Variants in PTK2B observed in about 807,000 individuals in gnomAD.
The protein encoded by PTK2B is protein tyrosine kinase 2 beta, also known as protein-tyrosine kinase 2-beta.
In PTK2B, 71 loss-of-function variants were observed where a neutral mutation model predicts 142.9. The observed-to-expected ratio is 0.50, with a 90% CI of 0.41 to 0.61. The LOEUF (loss-of-function observed/expected upper bound fraction) is 0.61. Ranked by LOEUF, PTK2B falls within the 20% of genes least tolerant of loss-of-function variation. PTK2B has a pLI of 0.00. For missense variants in PTK2B, 1,105 were observed against 1,320.4 expected, an observed-to-expected ratio of 0.84 and a Z score of 2.53; for synonymous variants, 519 against 503.4, an observed-to-expected ratio of 1.03 and a Z score of -0.42.
intron 1 of PTK2B, among the ~76,000 whole-genome samples, chr8:27,348,774 T>C (rs1804869514): frequency 6.6e-6 from 1 of 152,026 alleles, no homozygotes; most frequent in African/African-American, 2.4e-5. Flanking sequence ...TGCTTGCACT[T>C]GTTGTCAGGA....
intron 13 of PTK2B, among the ~76,000 whole-genome samples, chr8:27,434,988 G>A (rs1283089875): frequency 1.3e-5 from 2 of 151,738 alleles, no homozygotes; most frequent in East Asian, 3.9e-4. Flanking sequence ...AACCCAGCAA[G>A]ACTCCATCTC....
chr8:27,378,958 G>A lies in PTK2B; in HGVS notation c.-37-18590G>A, dbSNP rs989009788. 1.8e-4 allele frequency among the ~76,000 whole-genome samples: 27 copies of A among 152,092 alleles called. 1 individual carries two copies. The highest frequency in any genetic ancestry group is 1.5e-3 in the Admixed American group (23 of 15,270). ...AAGAGCTAAAGGAAGAAAGGGCCCC[G>A]GCACCGTTATGCCAAACATAGACTC... On this transcript the variant is annotated intron_variant, in intron 1 of 30. Transcript: ENST00000346049.
intron 2 of PTK2B, among the ~76,000 whole-genome samples, chr8:27,410,935 A>G (rs1023860021): frequency 6.6e-6 from 1 of 152,248 alleles, no homozygotes; most frequent in Non-Finnish European, 1.5e-5. Context: ...TTTGCAAGAA[A>G]GCATTCAAAG....
chr8:27,321,556 T>G (rs1803217063), upstream of PTK2B, among the ~76,000 whole-genome samples: 1 of 152,174 alleles, frequency 6.6e-6, no homozygotes, highest in Non-Finnish European at 1.5e-5. Context: ...CATCATAGAC[T>G]GGATGGCTGC....
chr8:27,342,862 T>G (rs73679169), intron 1 of PTK2B, among the ~76,000 whole-genome samples: 1 of 152,204 alleles, frequency 6.6e-6, no homozygotes, highest in African/African-American at 2.4e-5. Context: ...TCCATCCATA[T>G]CTGCTGAATT....
chr8:27,337,351 A>G (rs552540319), intron 1 of PTK2B, among the ~76,000 whole-genome samples: 1 of 152,278 alleles, frequency 6.6e-6, no homozygotes, highest in Non-Finnish European at 1.5e-5. Context: ...CGGCCAGGCT[A>G]GTCTTGAACT....
intron 24 of PTK2B, 31 bp downstream of exon 24, chr8:27,445,950 C>T (rs766057170): frequency 1.1e-5 from 17 of 1,610,906 alleles, no homozygotes; most frequent in Non-Finnish European, 1.4e-5. Flanking sequence ...GGTCCCTGCC[C>T]GGACTGAGGA....
At chr8:27,375,758 C>A (rs1806630955) in intron 1 of PTK2B, among the ~76,000 whole-genome samples, 1 of 152,196 alleles carries the variant, frequency 6.6e-6, no homozygotes, top group Admixed American at 6.5e-5. Context: ...ACGGGTGCCC[C>A]CAGCTATATA....
chr8:27,395,608 G>A (rs945543487), intron 1 of PTK2B, among the ~76,000 whole-genome samples: 1 of 152,150 alleles, frequency 6.6e-6, no homozygotes, highest in Admixed American at 6.5e-5. Context: ...GACTTTCTCA[G>A]CTCTCCCTTG....
intron 1 of PTK2B, among the ~76,000 whole-genome samples, chr8:27,340,718 G>C (rs1014712397): frequency 6.6e-6 from 1 of 152,244 alleles, no homozygotes. Flanking sequence ...CATTTCTGGG[G>C]TGTGGCCAGG....
At chr8:27,433,400 T>C (rs1810565454) in intron 10 of PTK2B, 35 bp from the exon 11 acceptor site, 2 of 1,568,856 alleles carry the variant, frequency 1.3e-6, no homozygotes, top group Non-Finnish European at 1.8e-6. Context: ...GCCAAGGCTC[T>C]GGGGTCTCAC....
At chr8:27,333,729 G>A (rs1295693581) in intron 1 of PTK2B, among the ~76,000 whole-genome samples, 5 of 151,970 alleles carry the variant, frequency 3.3e-5, no homozygotes, top group Non-Finnish European at 5.9e-5. Flanking sequence ...TAAATGCCAA[G>A]CCTGTCTCAA....
At chr8:27,450,998 A>G (rs1293153958) in intron 25 of PTK2B, 45 bp from the exon 26 acceptor site, 2 of 1,609,930 alleles carry the variant, frequency 1.2e-6, no homozygotes, top group South Asian at 2.2e-5. Flanking sequence ...TGGTGCTTTC[A>G]GCTCCAGAAT....
In PTK2B at chr8:27,397,696, G is replaced by T; in HGVS notation, c.112G>T (p.Val38Leu). 1 of 1,614,270 alleles carries T rather than the reference G, an allele frequency of 6.2e-7. No homozygotes were observed. Among genetic ancestry groups the T allele is most frequent in the South Asian group, 1.1e-5 (1 of 91,090 alleles). The change falls in exon 2 of 31, where the codon GTG becomes TTG. Residue 38 changes from valine to leucine, a missense_variant. Coordinates refer to ENST00000346049, the MANE Select transcript of PTK2B (RefSeq NM_173176.3). ...ACCAGTAGATGTGGAAAAGGAGGAC[G>T]TGCGTATCCTCAAGGTCTGCTTCTA... ...VVPVDVEKED[V>L]RILKVCFYSN...
intron 1 of PTK2B, among the ~76,000 whole-genome samples, chr8:27,360,954 A>G (rs1264812784): frequency 6.6e-6 from 1 of 152,166 alleles, no homozygotes; most frequent in Non-Finnish European, 1.5e-5. Flanking sequence ...AGAAAGAAAC[A>G]TAGGATTTGT....
chr8:27,431,181 T>A, intron 8 of PTK2B, 165 bp downstream of exon 8: 1 of 1,464,934 alleles, frequency 6.8e-7, no homozygotes, highest in Non-Finnish European at 9.2e-7. Flanking sequence ...TCCCCTTGCC[T>A]GAAGCAGGCA....
Position 27,454,245 on chromosome 8 carries a change from A to T in PTK2B, c.2687A>T (p.Asn896Ile). 1 of 1,614,070 alleles carries T rather than the reference A, an allele frequency of 6.2e-7. No individual in the cohort carries two copies. Among genetic ancestry groups the T allele is most frequent in the Non-Finnish European group, 8.5e-7 (1 of 1,179,986 alleles). ...ELVRAVLELK[N>I]ELCQLPPEGY... Reference sequence around the variant, plus strand: ...GTGCGGGCCGTGCTGGAGCTCAAGAATGAGCTCTGTCAGCTGCCCCCCGAG... The same window carrying T: ...GTGCGGGCCGTGCTGGAGCTCAAGATTGAGCTCTGTCAGCTGCCCCCCGAG... Residue 896 changes from asparagine (N) to isoleucine (I), a missense_variant, in exon 29 of 31, where the codon AAT (asparagine) becomes ATT (isoleucine). Transcript: ENST00000346049.
chr8:27,446,662 A>G (rs562240583), intron 24 of PTK2B, among the ~76,000 whole-genome samples: 3 of 152,282 alleles, frequency 2.0e-5, no homozygotes, highest in East Asian at 1.9e-4. Flanking sequence ...TACTAAACCA[A>G]CTAAAACACT....
intron 1 of PTK2B, among the ~76,000 whole-genome samples, chr8:27,385,080 G>A (rs1439429522): frequency 6.6e-6 from 1 of 152,150 alleles, no homozygotes; most frequent in African/African-American, 2.4e-5. Context: ...CTTGCTGTGT[G>A]GCCTTTGGGA....
Sources: allele counts gnomAD v4.1 joint callset (sites outside exome capture counted in the v4.1 genomes callset), GRCh38; gene constraint gnomAD v4.1.1; transcripts MANE v1.5; gene names NCBI Gene and HGNC (gene_info 2026-07-23, HGNC 2026-07-21).